KAZN: variants seen among roughly 807,000 people sequenced by gnomAD.
KAZN encodes the protein kazrin.
A neutral mutation model predicts 87.4 loss-of-function variants in KAZN; 40 were observed. The ratio of observed to expected loss-of-function variants is 0.46; its 90% CI spans 0.36 to 0.60. KAZN has a LOEUF of 0.60. Among genes scored for constraint, KAZN ranks in the 20% least tolerant of loss-of-function variants. The probability of loss-of-function intolerance (pLI) is 0.00; values close to 1 mark genes in which losing one functional copy is unlikely to be tolerated. For synonymous variants in KAZN, 466 were observed against 458.3 expected (o/e 1.02, Z -0.22); for missense variants, 898 against 1,073.9 (o/e 0.84, Z 2.29).
chr1:14,721,136 G>A (rs988753960), intron 1 of KAZN, among the ~76,000 whole-genome samples: 1 of 152,218 alleles, frequency 6.6e-6, no homozygotes, highest in Non-Finnish European at 1.5e-5. Context: ...ATGTGGCTTG[G>A]CAGTGTCCCC....
intron 1 of KAZN, among the ~76,000 whole-genome samples, chr1:14,935,547 T>TG (rs1660351898): frequency 1.3e-5 from 2 of 152,152 alleles, no homozygotes; most frequent in South Asian, 4.1e-4. Flanking sequence ...AATCAGAAAC[T>TG]GGGGGTGGGC....
chr1:14,839,854 G>A (rs1647732266), intron 1 of KAZN, among the ~76,000 whole-genome samples: 1 of 152,170 alleles, frequency 6.6e-6, no homozygotes, highest in African/African-American at 2.4e-5. Flanking sequence ...GTGCCTCTAA[G>A]TTTGCAGAGC....
Position 15,114,669 on chromosome 1 carries a change from G to C in KAZN, c.*34G>C. On this transcript the variant is annotated 3_prime_UTR_variant, in exon 15 of 15. Transcript: ENST00000376030. ...TGGCTCCACCAGACCCAACGTGAGA[G>C]ACCCAGGAAGGAAGAGAAGCCAGAT... 6.4e-7 allele frequency: 1 copy of C among 1,551,670 alleles called. No homozygotes were observed. Among genetic ancestry groups the C allele is most frequent in the Non-Finnish European group, 8.7e-7 (1 of 1,147,360 alleles).
chr1:14,934,005 G>A (rs1380324035), intron 1 of KAZN, among the ~76,000 whole-genome samples: 5 of 151,624 alleles, frequency 3.3e-5, no homozygotes, highest in Non-Finnish European at 7.4e-5. Flanking sequence ...ACAGGCGCCC[G>A]CCACTACGCC....
At chr1:14,635,538 A>T (rs946369330) in intron 1 of KAZN, among the ~76,000 whole-genome samples, 2 of 152,102 alleles carry the variant, frequency 1.3e-5, no homozygotes, top group Non-Finnish European at 2.9e-5. Flanking sequence ...CTACCTCTGT[A>T]CTAACGCGAT....
chr1:14,514,604 TA>T (rs1557770501), intron 2 of KAZN, among the ~76,000 whole-genome samples: 1,117 of 33,742 alleles, frequency 0.033, 35 homozygotes, highest in East Asian at 0.061. Context: ...TTTATATATA[TA>T]TATATATATA....
chr1:14,401,776 T>C (rs1156589364), intron 2 of KAZN, among the ~76,000 whole-genome samples: 1 of 152,106 alleles, frequency 6.6e-6, no homozygotes, highest in Non-Finnish European at 1.5e-5. Flanking sequence ...GTTCAGTAGG[T>C]ACAGAATCAA....
At chr1:14,971,661 GTTTTTTTTTTTTTCTTTTTCTTTTT>G (rs1203995160) in intron 2 of KAZN, among the ~76,000 whole-genome samples, 6 of 116,544 alleles carry the variant, frequency 5.1e-5, no homozygotes, top group Non-Finnish European at 7.5e-5. Context: ...ACCAGGAGTT[GTTTTTTTTTTTTTCTTTTTCTTTTT>G]TTTTTTTTTT....
intron 1 of KAZN, among the ~76,000 whole-genome samples, chr1:14,113,484 G>C (rs1644543495): frequency 6.6e-6 from 1 of 152,192 alleles, no homozygotes; most frequent in African/African-American, 2.4e-5. Flanking sequence ...GAAAGAGAAG[G>C]AAGGTGACCG....
At chr1:14,373,198 A>AATATATATATATATATATATATAT (rs58491688) in intron 2 of KAZN, among the ~76,000 whole-genome samples, 39 of 149,240 alleles carry the variant, frequency 2.6e-4, no homozygotes, top group African/African-American at 7.7e-4. Flanking sequence ...TGAAAAACTG[A>AATATATATATATATATATATATAT]ATATATATAT....
At chr1:13,963,656 C>T (rs993541153) in intron 1 of KAZN, among the ~76,000 whole-genome samples, 1 of 152,090 alleles carries the variant, frequency 6.6e-6, no homozygotes, top group African/African-American at 2.4e-5. Flanking sequence ...ATTCATGCAT[C>T]AAAGCCTAGC....
intron 1 of KAZN, among the ~76,000 whole-genome samples, chr1:14,163,304 C>T (rs1441967278): frequency 6.6e-6 from 1 of 152,120 alleles, no homozygotes; most frequent in Non-Finnish European, 1.5e-5. Flanking sequence ...ACCCAAGTGC[C>T]CCATCTGACC....
chr1:14,329,677 C>G (rs1407708623), intron 2 of KAZN, among the ~76,000 whole-genome samples: 2 of 152,198 alleles, frequency 1.3e-5, no homozygotes, highest in South Asian at 2.1e-4. Flanking sequence ...ACCAGACAGA[C>G]CTCAGGTTGA....
intron 1 of KAZN, among the ~76,000 whole-genome samples, chr1:14,913,899 G>C (rs1657516049): frequency 6.6e-6 from 1 of 152,242 alleles, no homozygotes; most frequent in Non-Finnish European, 1.5e-5. Flanking sequence ...CCTGACAAGG[G>C]AGGGCCTCTG....
intron 1 of KAZN, among the ~76,000 whole-genome samples, chr1:13,970,312 G>C (rs1428403447): frequency 6.6e-6 from 1 of 152,132 alleles, no homozygotes; most frequent in African/African-American, 2.4e-5. Flanking sequence ...ATTTATTGAG[G>C]GTGCACCATG....
At chr1:14,245,878 G>T (rs1649454631) in intron 2 of KAZN, among the ~76,000 whole-genome samples, 1 of 152,206 alleles carries the variant, frequency 6.6e-6, no homozygotes, top group Non-Finnish European at 1.5e-5. Context: ...ATACATGCAT[G>T]CATATGTTCA....
intron 1 of KAZN, among the ~76,000 whole-genome samples, chr1:14,093,666 C>A (rs1319050681): frequency 6.6e-6 from 1 of 151,202 alleles, no homozygotes; most frequent in Non-Finnish European, 1.5e-5. Flanking sequence ...GAAAAAAAAA[C>A]AAAAACAAAA....
intron 2 of KAZN, among the ~76,000 whole-genome samples, chr1:14,508,197 C>T (rs1234271798): frequency 6.6e-6 from 1 of 152,076 alleles, no homozygotes; most frequent in East Asian, 1.9e-4. Context: ...CCCAAGAGAG[C>T]CTAGGTATGT....
At chr1:14,164,588 T>G (rs1001775342) in intron 1 of KAZN, among the ~76,000 whole-genome samples, 3 of 143,252 alleles carry the variant, frequency 2.1e-5, no homozygotes, top group Non-Finnish European at 4.5e-5. Flanking sequence ...TTGCCCAGAC[T>G]GGAGTGCAAT....
Sources: allele counts gnomAD v4.1 joint callset (sites outside exome capture counted in the v4.1 genomes callset), GRCh38; gene constraint gnomAD v4.1.1; transcripts MANE v1.5; gene names NCBI Gene and HGNC (gene_info 2026-07-23, HGNC 2026-07-21).